Variants in STXBP6 observed in about 807,000 individuals in gnomAD.
STXBP6 encodes syntaxin binding protein 6, also known as syntaxin-binding protein 6.
In STXBP6, 21 loss-of-function variants were observed where a neutral mutation model predicts 26.9. The ratio of observed to expected loss-of-function variants is 0.78; its 90% CI spans 0.55 to 1.12. The LOEUF is 1.12. Ranked by LOEUF, STXBP6 falls within the 50% of genes most tolerant of loss-of-function variation. The pLI is 0.00. For synonymous variants in STXBP6, 97 were observed against 92.6 expected (o/e 1.05, Z -0.27); for missense variants, 232 against 257.9 (o/e 0.90, Z 0.69).
At chr14:25,034,328 C>T (rs2075515303) in intron 1 of STXBP6, among the ~76,000 whole-genome samples, 2 of 152,188 alleles carry the variant, frequency 1.3e-5, no homozygotes, top group Non-Finnish European at 2.9e-5. Flanking sequence ...AGCTGAATAT[C>T]TTTCCCCTCC....
chr14:24,854,141 C>T (rs535818817), intron 4 of STXBP6, among the ~76,000 whole-genome samples: 1 of 152,096 alleles, frequency 6.6e-6, no homozygotes, highest in East Asian at 1.9e-4. Context: ...GAAATGAGAC[C>T]TTTAGGGGAA....
intron 2 of STXBP6, among the ~76,000 whole-genome samples, chr14:24,926,948 AT>A (rs941289695): frequency 5.3e-5 from 8 of 152,110 alleles, no homozygotes; most frequent in African/African-American, 1.9e-4. Flanking sequence ...TAAAAAAAAA[AT>A]AAAGTTAATA....
At chr14:24,986,517 T>A (rs1194182013) in intron 1 of STXBP6, among the ~76,000 whole-genome samples, 1 of 152,150 alleles carries the variant, frequency 6.6e-6, no homozygotes, top group Non-Finnish European at 1.5e-5. Flanking sequence ...ACACTAACCA[T>A]ACCAGGAGCC....
At chr14:24,877,918 T>G (rs560084580) in intron 2 of STXBP6, among the ~76,000 whole-genome samples, 3 of 152,178 alleles carry the variant, frequency 2.0e-5, no homozygotes, top group African/African-American at 7.2e-5. Context: ...CAAAACAGTG[T>G]GTAGTCAAGC....
At chr14:25,026,585 G>C (rs932293504) in intron 1 of STXBP6, among the ~76,000 whole-genome samples, 1 of 152,172 alleles carries the variant, frequency 6.6e-6, no homozygotes, top group Non-Finnish European at 1.5e-5. Flanking sequence ...TTACCACCAA[G>C]TGAGTTAGAA....
intron 1 of STXBP6, among the ~76,000 whole-genome samples, chr14:25,045,852 C>T (rs988282069): frequency 6.6e-6 from 1 of 152,092 alleles, no homozygotes; most frequent in African/African-American, 2.4e-5. Flanking sequence ...AGGTGATCCA[C>T]CCGCCTCAGC....
At chr14:25,009,957 T>C (rs1238168215) in intron 1 of STXBP6, among the ~76,000 whole-genome samples, 1 of 152,194 alleles carries the variant, frequency 6.6e-6, no homozygotes, top group Non-Finnish European at 1.5e-5. Flanking sequence ...CTAAAACACC[T>C]AAAGATACCA....
chr14:24,864,181 C>T (rs2069638205), intron 2 of STXBP6, among the ~76,000 whole-genome samples: 1 of 152,154 alleles, frequency 6.6e-6, no homozygotes, highest in Admixed American at 6.6e-5. Flanking sequence ...AAAACAAAGG[C>T]TTCAAAGTCA....
chr14:24,946,797 C>A (rs566045778), intron 2 of STXBP6, among the ~76,000 whole-genome samples: 1 of 152,050 alleles, frequency 6.6e-6, no homozygotes, highest in Non-Finnish European at 1.5e-5. Context: ...TTAATGGGAA[C>A]AGTTTCATAG....
In STXBP6 at chr14:24,971,682, C is replaced by A. The variant is rs533110505; in HGVS notation, c.154+2983G>T. Among the ~76,000 whole-genome samples, 3 of 152,342 alleles carry A rather than the reference C, an allele frequency of 2.0e-5. No homozygotes were observed. The South Asian group carries it at 6.2e-4, about 32-fold the overall frequency. ...TGCCTGGAATGCCCTCTCACCCACA[C>A]AATCCTCTTTTCAAAACCAGTGAAG... On this transcript the variant is annotated intron_variant, in intron 2 of 5. Transcript: ENST00000323944.
At chr14:24,857,298 A>G (rs1403897170) in intron 2 of STXBP6, 141 bp from the exon 3 acceptor site, 4 of 1,103,116 alleles carry the variant, frequency 3.6e-6, no homozygotes, top group Non-Finnish European at 5.2e-6. Context: ...GGGAATATGA[A>G]TAAATATGTG....
At chr14:24,897,186 A>G (rs933720421) in intron 2 of STXBP6, among the ~76,000 whole-genome samples, 10 of 151,974 alleles carry the variant, frequency 6.6e-5, no homozygotes, top group African/African-American at 2.4e-4. Flanking sequence ...TGAGGCAGGC[A>G]GATCACGAGG....
rs539509149 is a variant in STXBP6 at position 24,853,934 on chromosome 14, C to G, written c.451+2002G>C. ...GATATTCAGGAAGGCAAAGGAAGAA[C>G]AAATTAGAGATCTATCAGTCTGGGA... On this transcript the variant is annotated intron_variant, in intron 4 of 5. Coordinates refer to ENST00000323944, the MANE Select transcript of STXBP6 (RefSeq NM_001394410.1). Among the ~76,000 whole-genome samples the G allele has an allele frequency of 7.9e-5, 12 of 151,982 alleles. No individual in the cohort carries two copies. In the South Asian group the frequency reaches 2.5e-3, roughly 32 times the overall value.
intron 2 of STXBP6, among the ~76,000 whole-genome samples, chr14:24,874,937 C>T (rs370882676): frequency 3.6e-4 from 55 of 152,304 alleles, no homozygotes; most frequent in African/African-American, 1.2e-3. Flanking sequence ...TATCAAATCA[C>T]CCTATCATTC....
chr14:24,826,073 C>G (rs998413080), intron 4 of STXBP6, among the ~76,000 whole-genome samples: 1 of 152,204 alleles, frequency 6.6e-6, no homozygotes, highest in African/African-American at 2.4e-5. Flanking sequence ...CTATGATCTA[C>G]AGGTCTCTAC....
intron 2 of STXBP6, among the ~76,000 whole-genome samples, chr14:24,958,733 A>AT (rs549884863): frequency 9.6e-4 from 145 of 151,418 alleles, no homozygotes; most frequent in African/African-American, 2.7e-3. Flanking sequence ...ATCAAGTTGC[A>AT]TTTTTTTTTC....
chr14:24,917,744 T>A (rs1354838913), intron 2 of STXBP6, among the ~76,000 whole-genome samples: 1 of 151,968 alleles, frequency 6.6e-6, no homozygotes, highest in Non-Finnish European at 1.5e-5. Flanking sequence ...AAAAAAAAGA[T>A]AAATTAAAAT....
chr14:24,980,150 G>A (rs1446845997), intron 1 of STXBP6, among the ~76,000 whole-genome samples: 4 of 152,154 alleles, frequency 2.6e-5, no homozygotes, highest in Non-Finnish European at 5.9e-5. Context: ...ATCTAAAAAT[G>A]TTAATTTTGC....
At chr14:24,876,025 G>A (rs569444141) in intron 2 of STXBP6, among the ~76,000 whole-genome samples, 5 of 152,130 alleles carry the variant, frequency 3.3e-5, no homozygotes, top group African/African-American at 1.2e-4. Context: ...GGGGTGAGAG[G>A]TGGGTTTTTG....
Sources: gnomAD v4.1 joint callset for allele counts (sites outside exome capture counted in the v4.1 genomes callset) on GRCh38, gnomAD v4.1.1 for gene constraint, MANE v1.5 for transcripts, NCBI Gene and HGNC (gene_info 2026-07-23, HGNC 2026-07-21) for gene names.